ACACA: variants seen among roughly 807,000 people sequenced by gnomAD.
ACACA encodes acetyl-CoA carboxylase 1.
A neutral mutation model predicts 296.1 loss-of-function variants in ACACA; 103 were observed. That is an observed-to-expected ratio of 0.35 (90% CI 0.30 to 0.41). The LOEUF (loss-of-function observed/expected upper bound fraction) is 0.41, where lower values mean the gene tolerates loss of function less well. ACACA is among the 10% of genes least tolerant of loss of function. The pLI is 1.00. For missense variants in ACACA, 1,554 were observed against 2,989.7 expected, an observed-to-expected ratio of 0.52 and a Z score of 11.20; for synonymous variants, 953 against 1,038.6, an observed-to-expected ratio of 0.92 and a Z score of 1.58.
At chr17:37,294,863 T>A (rs1221957181) in intron 3 of ACACA, among the ~76,000 whole-genome samples, 1 of 152,256 alleles carries the variant, frequency 6.6e-6, no homozygotes, top group Non-Finnish European at 1.5e-5. Flanking sequence ...AGGTGGGCAC[T>A]GGTGCTGCTT....
intron 11 of ACACA, among the ~76,000 whole-genome samples, chr17:37,260,126 C>T (rs971317225): frequency 2.0e-5 from 3 of 150,254 alleles, no homozygotes; most frequent in African/African-American, 7.4e-5. Flanking sequence ...AAGTGATCTA[C>T]TCGCCTTGGC....
chr17:37,136,765 A>T (rs2075350950), intron 45 of ACACA, among the ~76,000 whole-genome samples: 1 of 152,072 alleles, frequency 6.6e-6, no homozygotes, highest in African/African-American at 2.4e-5. Context: ...ACACGGTGAA[A>T]CCCCATCTCT....
Position 37,113,121 on chromosome 17 carries a change from C to T in ACACA, c.6419G>A (p.Arg2140Gln), listed in dbSNP as rs750865509. The T allele has an allele frequency of 6.2e-7, 1 of 1,614,142 alleles. No individual in the cohort carries two copies. The highest frequency in any genetic ancestry group is 8.5e-7 in the Non-Finnish European group (1 of 1,180,028). ...WVVIDSSINP[R>Q]HMEMYADRES... ...TCGGTCAGCATACATCTCCATGTGC[C>T]GGGGGTTGATGGAGGAGTCAATCAC... Residue 2140 changes from arginine (R) to glutamine (Q), a missense_variant, in exon 51 of 56, where the codon CGG becomes CAG. Around this residue, in one of 16 missense-constraint regions of ACACA, gnomAD observed 553 missense variants for 1,043.6 expected, o/e 0.53. Coordinates refer to ENST00000616317, the MANE Select transcript of ACACA (RefSeq NM_198834.3). The surrounding 1 kb of genome is among the most constrained non-coding windows in gnomAD (Gnocchi z 4.0).
intron 11 of ACACA, among the ~76,000 whole-genome samples, chr17:37,261,202 C>T (rs1462795981): frequency 2.0e-5 from 3 of 152,042 alleles, no homozygotes; most frequent in Non-Finnish European, 4.4e-5. Flanking sequence ...TCTTTTGTAT[C>T]CCCCCAAACA....
chr17:37,246,693 A>C, intron 19 of ACACA, 133 bp downstream of exon 19: 2 of 1,243,164 alleles, frequency 1.6e-6, no homozygotes, highest in Non-Finnish European at 2.3e-6. Flanking sequence ...TCAGCCTCCC[A>C]AAGTGGTAGG....
intron 23 of ACACA, among the ~76,000 whole-genome samples, chr17:37,241,195 C>CA (rs906234474): frequency 5.6e-4 from 83 of 147,892 alleles, no homozygotes; most frequent in Middle Eastern, 3.4e-3. Flanking sequence ...ACCCTGTCTC[C>CA]AAAAAAAATA....
At chr17:37,292,640 G>C (rs1338364025) in intron 3 of ACACA, among the ~76,000 whole-genome samples, 1 of 152,250 alleles carries the variant, frequency 6.6e-6, no homozygotes, top group Non-Finnish European at 1.5e-5. Context: ...AGGATGGCTT[G>C]AGGCCAGGAA....
chr17:37,157,330 T>C (rs1444630746), intron 42 of ACACA, among the ~76,000 whole-genome samples: 1 of 152,106 alleles, frequency 6.6e-6, no homozygotes, highest in Non-Finnish European at 1.5e-5. Flanking sequence ...CAGAGTCGGG[T>C]AGAGCCAATG....
In ACACA at chr17:37,303,885, C is replaced by G. The variant is rs551959188; in HGVS notation, c.339-18915G>C. On this transcript the variant is annotated intron_variant, in intron 3 of 55. Transcript: ENST00000616317. ...AAAAAAGAAAGTGTCAAATTATTTT[C>G]CAGAGTGGCTGTATCATTTTACATT... Among the ~76,000 whole-genome samples, 44 of 152,276 alleles carry G rather than the reference C, an allele frequency of 2.9e-4. No individual in the cohort carries two copies. In the South Asian group the frequency reaches 3.5e-3, roughly 12 times the overall value.
intron 1 of ACACA, chr17:37,359,243 T>C: frequency 1.4e-6 from 1 of 697,716 alleles, no homozygotes; most frequent in Non-Finnish European, 1.8e-6. Flanking sequence ...GCCGTTCACC[T>C]CCGACCCCGC....
rs1200043504 is a variant in ACACA at position 37,151,429 on chromosome 17, A to C, written c.5448-8T>G. 6.2e-7 allele frequency: 1 copy of C among 1,613,402 alleles called. No individual in the cohort carries two copies. The highest frequency in any genetic ancestry group is 8.5e-7 in the Non-Finnish European group (1 of 1,179,804). On this transcript the variant is annotated splice_polypyrimidine_tract_variant and splice_region_variant and intron_variant, in intron 43 of 55. Coordinates refer to ENST00000616317, the MANE Select transcript of ACACA (RefSeq NM_198834.3). ...ATATCTGTTATCTTGTACCTATTGG[A>C]TATGGCCATGTCAAATTATGAATGT...
At position 37,320,785 on chromosome 17, in the gene ACACA, A is replaced by G. The variant is rs554504790; in HGVS notation, c.338+9388T>C. On this transcript the variant is annotated intron_variant, in intron 3 of 55. Transcript: ENST00000616317. ...AATATGGTGAAACCCTGTCTCTACT[A>G]AAAATATGAAAATTAGCCAGGCATG... is the stretch of plus-strand genomic sequence containing the variant. 2.0e-5 allele frequency among the ~76,000 whole-genome samples: 3 copies of G among 151,810 alleles called. No homozygotes were observed. In the South Asian group the frequency reaches 6.2e-4, roughly 32 times the overall value.
At chr17:37,283,193 T>A (rs774539174) in intron 5 of ACACA, 74 bp downstream of exon 5, 72 of 1,572,410 alleles carry the variant, frequency 4.6e-5, no homozygotes, top group Non-Finnish European at 5.7e-5. Context: ...TAAGTTAACA[T>A]TCTCCTACTT....
At chr17:37,118,604 C>T (rs1279097864) in intron 50 of ACACA, among the ~76,000 whole-genome samples, 2 of 152,114 alleles carry the variant, frequency 1.3e-5, no homozygotes, top group African/African-American at 2.4e-5. Context: ...AACTGTGTTA[C>T]AGGGAGCTAC....
At chr17:37,283,868 G>A (rs1381215018) in intron 4 of ACACA, among the ~76,000 whole-genome samples, 1 of 152,172 alleles carries the variant, frequency 6.6e-6, no homozygotes, top group Non-Finnish European at 1.5e-5. Flanking sequence ...CCAAAATACT[G>A]AACTCCAATA....
intron 50 of ACACA, among the ~76,000 whole-genome samples, chr17:37,116,181 C>T (rs536545614): frequency 6.6e-6 from 1 of 152,160 alleles, no homozygotes; most frequent in African/African-American, 2.4e-5. Context: ...TTTGTAGAGA[C>T]GGGGTTTCAC....
intron 15 of ACACA, among the ~76,000 whole-genome samples, chr17:37,252,433 A>T (rs753651411): frequency 2.7e-4 from 41 of 152,238 alleles, no homozygotes; most frequent in African/African-American, 2.4e-5. Flanking sequence ...ATAATCTCAA[A>T]GAAAAACGGT....
intron 55 of ACACA, 106 bp downstream of exon 55, chr17:37,088,832 C>A (rs2072405577): frequency 2.1e-6 from 3 of 1,428,034 alleles, no homozygotes; most frequent in East Asian, 4.5e-5. Flanking sequence ...CAAGAGACTG[C>A]AGAGATCATA....
intron 3 of ACACA, among the ~76,000 whole-genome samples, chr17:37,323,335 C>A (rs1207456133): frequency 6.6e-6 from 1 of 152,268 alleles, no homozygotes; most frequent in East Asian, 1.9e-4. Flanking sequence ...TAGCTCACAC[C>A]TGTCATCCCA....
Sources: allele counts gnomAD v4.1 joint callset (sites outside exome capture counted in the v4.1 genomes callset), GRCh38; gene constraint gnomAD v4.1.1; regional missense constraint gnomAD v4.1.1; non-coding constraint Gnocchi (gnomAD v3.1); transcripts MANE v1.5; gene names NCBI Gene and HGNC (gene_info 2026-07-23, HGNC 2026-07-21).